ANXA2: variants seen among roughly 807,000 people sequenced by gnomAD.
The protein encoded by ANXA2 is annexin A2.
Under a neutral mutation model 47.3 loss-of-function variants are expected in ANXA2, and 28 were observed. That is an observed-to-expected ratio of 0.59 (90% CI 0.44 to 0.81). The LOEUF (loss-of-function observed/expected upper bound fraction) is 0.81. Among genes scored for constraint, ANXA2 ranks in the 40% least tolerant of loss-of-function variants. The pLI, the probability that ANXA2 is intolerant of heterozygous loss-of-function variation, is 0.00. For synonymous variants in ANXA2, 172 were observed against 155.5 expected, an observed-to-expected ratio of 1.11 and a Z score of -0.79; for missense variants, 384 against 414.3, an observed-to-expected ratio of 0.93 and a Z score of 0.64.
chr15:60,357,809 T>G (rs935956745), intron 5 of ANXA2, among the ~76,000 whole-genome samples: 8 of 149,432 alleles, frequency 5.4e-5, no homozygotes, highest in African/African-American at 2.0e-4. Context: ...AAAAAAAAAG[T>G]AGTGAATAGG....
Position 60,347,474 on chromosome 15 carries a change from G to A in ANXA2, c.*156C>T, listed in dbSNP as rs1895770330. 1.5e-6 allele frequency: 1 copy of A among 660,400 alleles called. No homozygotes were observed. Among genetic ancestry groups the A allele is most frequent in the Non-Finnish European group, 2.6e-6 (1 of 377,932 alleles). The allele number at this position is 660,400 out of a possible 1,614,324, so 40.9% of individuals were successfully genotyped here. ...CAGGAGAGACTAGACAGGAAGGCCA[G>A]GCAATGCTTAGGCAACTAAAATGAG... On this transcript the variant is annotated 3_prime_UTR_variant, in exon 13 of 13. Coordinates refer to ENST00000451270, the MANE Select transcript of ANXA2 (RefSeq NM_004039.3).
chr15:60,374,741 G>T (rs1372729146), intron 3 of ANXA2: 1 of 455,852 alleles, frequency 2.2e-6, no homozygotes, highest in African/African-American at 2.0e-5. Flanking sequence ...CAGAGTCACA[G>T]GGTGGCTGTG....
Position 60,357,167 on chromosome 15 carries a change from T to C in ANXA2, c.427A>G (p.Ile143Val), listed in dbSNP as rs746876598. Residue 143 changes from isoleucine (I) to valine (V), a missense_variant, in exon 6 of 13, where the codon ATT (isoleucine) becomes GTT (valine). Physicochemically the swap from Ile to Val is conservative, Grantham distance 29. Coordinates refer to ENST00000451270, the MANE Select transcript of ANXA2 (RefSeq NM_004039.3). ...CSRTNQELQE[I>V]NRVYKEMYKT... is the part of the protein sequence containing the mutation. ...TCACTTTCCTTGTAGACTCTGTTAATTTCCTGCAGCTCCTGGTTGGTTCTG... is the reference window on the plus strand; with the variant it reads ...TCACTTTCCTTGTAGACTCTGTTAACTTCCTGCAGCTCCTGGTTGGTTCTG... 13 of 1,614,160 alleles carry C rather than the reference T, an allele frequency of 8.1e-6. No homozygotes were observed. In the South Asian group the frequency reaches 1.4e-4, roughly 18 times the overall value.
intron 1 of ANXA2, chr15:60,397,355 A>T: frequency 1.0e-6 from 1 of 983,450 alleles, no homozygotes; most frequent in Non-Finnish European, 1.2e-6. Context: ...CAAGGGGAAT[A>T]ACTGACGTTT....
intron 1 of ANXA2, chr15:60,392,942 TAAAAAAA>T (rs60755565): frequency 3.1e-5 from 29 of 927,052 alleles, no homozygotes; most frequent in Middle Eastern, 4.7e-4. Context: ...AATTTTAAAC[TAAAAAAA>T]AAAAAAAAAA....
chr15:60,397,384 G>A (rs1361528402), intron 1 of ANXA2: 2 of 922,324 alleles, frequency 2.2e-6, no homozygotes, highest in African/African-American at 3.6e-5. Context: ...TCTTTTATGG[G>A]GGGCTGAGGG....
chr15:60,353,279 G>A (rs12904910), intron 8 of ANXA2, among the ~76,000 whole-genome samples: 119,165 of 152,094 alleles, frequency 0.78, 47,038 homozygotes, highest in African/African-American at 0.85. Flanking sequence ...CAGAGATAAT[G>A]GAACTAGAAC....
chr15:60,370,454 C>T (rs186164681), intron 3 of ANXA2, among the ~76,000 whole-genome samples: 55 of 152,320 alleles, frequency 3.6e-4, no homozygotes, highest in Non-Finnish European at 1.6e-4. Context: ...CATGCATCTG[C>T]AAATGGGATT....
chr15:60,397,394 G>T, intron 1 of ANXA2: 6 of 879,592 alleles, frequency 6.8e-6, no homozygotes, highest in Non-Finnish European at 8.2e-6. Flanking sequence ...GGGGCTGAGG[G>T]GTGCCTACTC....
chr15:60,367,216 TG>T (rs1337555625), intron 3 of ANXA2, among the ~76,000 whole-genome samples: 9 of 10,900 alleles, frequency 8.3e-4, no homozygotes, highest in Non-Finnish European at 1.0e-3. Flanking sequence ...GGGAGGGAGG[TG>T]GGGGGGGTCA....
intron 4 of ANXA2, among the ~76,000 whole-genome samples, chr15:60,361,666 G>A (rs1276384251): frequency 6.6e-6 from 1 of 152,166 alleles, no homozygotes; most frequent in Admixed American, 6.5e-5. Flanking sequence ...TAATGGAAGT[G>A]ATAGGAAACT....
chr15:60,377,760 T>C lies in ANXA2; in HGVS notation c.148+4582A>G, dbSNP rs1393332869. ...ATGAAGTGACGTACGTCTGTTTCCA[T>C]TGCTAATGCCTTTTATTTTTTCTTT... On this transcript the variant is annotated intron_variant, in intron 3 of 12. Transcript: ENST00000451270. Among the ~76,000 whole-genome samples, 3 of 152,308 alleles carry C rather than the reference T, an allele frequency of 2.0e-5. No homozygotes were observed. The East Asian group carries it at 5.8e-4, about 29-fold the overall frequency.
At chr15:60,353,873 G>T (rs545226441) in intron 8 of ANXA2, among the ~76,000 whole-genome samples, 1 of 152,318 alleles carries the variant, frequency 6.6e-6, no homozygotes, top group East Asian at 1.9e-4. Context: ...GTCATGTGAA[G>T]TGCACCATCT....
chr15:60,366,912 C>T (rs1263089698), intron 3 of ANXA2, among the ~76,000 whole-genome samples: 20 of 75,430 alleles, frequency 2.7e-4, no homozygotes, highest in African/African-American at 9.6e-4. Flanking sequence ...TCTGCCCGGC[C>T]GCCCCTACTG....
chr15:60,361,080 G>T, intron 4 of ANXA2, 26 bp from the exon 5 acceptor site: 3 of 1,460,098 alleles, frequency 2.1e-6, no homozygotes, highest in Non-Finnish European at 2.9e-6. Flanking sequence ...CAATCATAAG[G>T]AAAATATTTA....
At chr15:60,377,175 G>A (rs1461898098) in intron 3 of ANXA2, among the ~76,000 whole-genome samples, 2 of 152,162 alleles carry the variant, frequency 1.3e-5, no homozygotes, top group Non-Finnish European at 2.9e-5. Flanking sequence ...TACACTTAAG[G>A]CAAAAGGCAT....
intron 1 of ANXA2, chr15:60,393,351 T>C: frequency 1.0e-6 from 1 of 1,001,654 alleles, no homozygotes; most frequent in Non-Finnish European, 1.2e-6. Context: ...TGAAGCACTT[T>C]CAGGGTTGGG....
chr15:60,357,160 C>A lies in ANXA2; in HGVS notation c.434G>T (p.Arg145Ile), dbSNP rs2062443108. The A allele has an allele frequency of 6.2e-7, 1 of 1,613,964 alleles. No homozygotes were observed. The highest frequency in any genetic ancestry group is 1.3e-5 in the African/African-American group (1 of 74,928). ...AAGCTACTCACTTTCCTTGTAGACT[C>A]TGTTAATTTCCTGCAGCTCCTGGTT... The part of the protein sequence containing the change: ...RTNQELQEIN[R>I]VYKEMYKTDL... The change falls in exon 6 of 13, where the codon AGA (arginine) becomes ATA (isoleucine). Residue 145 changes from arginine (R) to isoleucine (I), a missense_variant. Physicochemically the swap from Arg to Ile is moderately conservative, Grantham distance 97. Transcript: ENST00000451270.
At chr15:60,373,841 C>G (rs1192962460) in intron 3 of ANXA2, among the ~76,000 whole-genome samples, 3 of 152,216 alleles carry the variant, frequency 2.0e-5, no homozygotes, top group African/African-American at 7.2e-5. Flanking sequence ...AAGCCTGGCC[C>G]CTGCCTGCAT....
Sources: gnomAD v4.1 joint callset for allele counts (sites outside exome capture counted in the v4.1 genomes callset) on GRCh38, gnomAD v4.1.1 for gene constraint, MANE v1.5 for transcripts, NCBI Gene and HGNC (gene_info 2026-07-23, HGNC 2026-07-21) for gene names.